The following STRBP variants were observed in gnomAD, a reference collection of about 807,000 sequenced individuals.
The protein encoded by STRBP is spermatid perinuclear RNA-binding protein.
Under a neutral mutation model 80.1 loss-of-function variants are expected in STRBP, and 13 were observed. That is an observed-to-expected ratio of 0.16 (90% CI 0.11 to 0.26). The LOEUF (loss-of-function observed/expected upper bound fraction) is 0.26. Ranked by LOEUF, STRBP falls within the 10% of genes least tolerant of loss-of-function variation. The pLI is 1.00. For synonymous variants in STRBP, 284 were observed against 291.2 expected, an observed-to-expected ratio of 0.98 and a Z score of 0.25; for missense variants, 485 against 815.2, an observed-to-expected ratio of 0.59 and a Z score of 4.93.
rs2035808095 is a variant in STRBP, at chr9:123,123,947, AATG to A, written c.*1647_*1649del. ...TCTAGCCACTAATGCACAGGATGAGAATGATAAGTTACAGCTATTTCCAGCAAG... is the reference window on the plus strand; with the variant it reads ...TCTAGCCACTAATGCACAGGATGAGAATAAGTTACAGCTATTTCCAGCAAG... On this transcript the variant is annotated 3_prime_UTR_variant, in exon 19 of 19. Transcript: ENST00000348403. 3 of 985,292 alleles carry A rather than the reference AATG, an allele frequency of 3.0e-6. No homozygotes were observed. Among genetic ancestry groups the A allele is most frequent in the African/African-American group, 1.7e-5 (1 of 57,216 alleles). The allele number at this position is 985,292 out of a possible 1,614,324, so 61.0% of individuals were successfully genotyped here. A position where few individuals can be genotyped will look rare whatever the true frequency, so the allele number is the denominator to read the frequency against.
chr9:123,158,367 T>C lies in STRBP; in HGVS notation c.898A>G (p.Ile300Val), dbSNP rs996659066. ...DPTDALSYMTIQQKEDITHSA... is the reference protein window; with the variant it reads ...DPTDALSYMTVQQKEDITHSA... ...TGGGTAATATCTTCTTTTTGCTGGA[T>C]GGTCATATAGCTCAGAGCATCTGTT... Residue 300 changes from isoleucine (I) to valine (V), a missense_variant, in exon 10 of 19, where the codon ATC becomes GTC. Coordinates refer to ENST00000348403, the MANE Select transcript of STRBP (RefSeq NM_018387.5). The C allele has an allele frequency of 6.2e-7, 1 of 1,613,706 alleles. No homozygotes were observed. The highest frequency in any genetic ancestry group is 8.5e-7 in the Non-Finnish European group (1 of 1,179,690).
At chr9:123,259,536 G>A (rs538757401) in intron 1 of STRBP, among the ~76,000 whole-genome samples, 6 of 152,068 alleles carry the variant, frequency 3.9e-5, no homozygotes, top group Non-Finnish European at 5.9e-5. Context: ...GAGAAACCCC[G>A]TCTCTACTAA....
intron 12 of STRBP, 77 bp downstream of exon 12, chr9:123,147,701 C>G (rs960525581): frequency 6.5e-6 from 6 of 923,992 alleles, no homozygotes; most frequent in African/African-American, 1.7e-5. Flanking sequence ...AAAAAAAAAC[C>G]CTTCACTTTT....
At chr9:123,119,391 C>T (rs373578108), downstream of STRBP, among the ~76,000 whole-genome samples, 1 of 109,496 alleles carries the variant, frequency 9.1e-6, no homozygotes, top group East Asian at 3.3e-4. Context: ...CCACCCCCCG[C>T]CCCCCGCCAA....
intron 17 of STRBP, 69 bp downstream of exon 17, chr9:123,132,776 T>C: frequency 6.3e-7 from 1 of 1,587,472 alleles, no homozygotes; most frequent in East Asian, 2.2e-5. Context: ...CCTTAGAAAA[T>C]GCAGGAGATG....
chr9:123,147,484 T>C (rs968324697), intron 12 of STRBP, among the ~76,000 whole-genome samples: 1 of 151,956 alleles, frequency 6.6e-6, no homozygotes, highest in African/African-American at 2.4e-5. Flanking sequence ...AAGACTAGCC[T>C]GGGCAACTTG....
intron 3 of STRBP, chr9:123,113,016 GCT>G (rs1443824019): frequency 6.0e-6 from 1 of 167,114 alleles, no homozygotes; most frequent in Admixed American, 6.5e-5. Context: ...ATTCTGTAAA[GCT>G]CTGTCATGTC....
At chr9:123,113,234 T>A (rs912681860) in intron 3 of STRBP, 1 of 167,316 alleles carries the variant, frequency 6.0e-6, no homozygotes, top group Non-Finnish European at 1.5e-5. Context: ...ATGACCCTCC[T>A]GAGCACAGCT....
At chr9:123,242,837 T>C (rs2040722903) in intron 1 of STRBP, among the ~76,000 whole-genome samples, 1 of 152,210 alleles carries the variant, frequency 6.6e-6, no homozygotes, top group African/African-American at 2.4e-5. Context: ...GAACTACTTC[T>C]TTCTAGTCTC....
At chr9:123,214,740 GTACCTACCTATACTA>G (rs1486243740) in intron 2 of STRBP, among the ~76,000 whole-genome samples, 1 of 151,908 alleles carries the variant, frequency 6.6e-6, no homozygotes, top group Non-Finnish European at 1.5e-5. Context: ...TCAGACAACT[GTACCTACCTATACTA>G]TATTCATACA....
intron 13 of STRBP, 146 bp downstream of exon 13, chr9:123,146,709 C>T (rs1220804328): frequency 2.0e-5 from 14 of 714,274 alleles, no homozygotes; most frequent in Non-Finnish European, 2.6e-5. Flanking sequence ...ACAAAAACAA[C>T]TTTGTTATCC....
chr9:123,132,589 C>T (rs1410088927), intron 17 of STRBP, among the ~76,000 whole-genome samples: 2 of 152,142 alleles, frequency 1.3e-5, no homozygotes, highest in Admixed American at 6.5e-5. Context: ...CCTTTAATTC[C>T]TTGTCAAAAT....
intron 1 of STRBP, among the ~76,000 whole-genome samples, chr9:123,241,736 A>G (rs910468860): frequency 6.6e-6 from 1 of 152,138 alleles, no homozygotes; most frequent in Admixed American, 6.5e-5. Context: ...TTCCTAGAAT[A>G]ATCACCTTTC....
intron 1 of STRBP, among the ~76,000 whole-genome samples, chr9:123,256,018 CTTTTTTTT>C (rs11338372): frequency 4.6e-4 from 33 of 71,484 alleles, no homozygotes; most frequent in African/African-American, 1.8e-3. Context: ...TCCTTTCTTT[CTTTTTTTT>C]TTTTTTTTTT....
chr9:123,222,008 G>A (rs2040083089), intron 2 of STRBP, among the ~76,000 whole-genome samples: 1 of 152,022 alleles, frequency 6.6e-6, no homozygotes, highest in Non-Finnish European at 1.5e-5. Flanking sequence ...ATTATTATGT[G>A]GGGTATACAA....
chr9:123,231,928 A>T (rs559467967), intron 2 of STRBP, among the ~76,000 whole-genome samples: 1 of 152,304 alleles, frequency 6.6e-6, no homozygotes, highest in South Asian at 2.1e-4. Flanking sequence ...TTACCTAAAC[A>T]CACTATGCCA....
chr9:123,242,941 C>G (rs1384748445), intron 1 of STRBP, among the ~76,000 whole-genome samples: 1 of 151,732 alleles, frequency 6.6e-6, no homozygotes, highest in African/African-American at 2.4e-5. Context: ...AAATTTTTAC[C>G]AAGGATTTTT....
intron 1 of STRBP, among the ~76,000 whole-genome samples, chr9:123,237,413 G>A (rs2132596303): frequency 6.6e-6 from 1 of 152,138 alleles, no homozygotes; most frequent in South Asian, 2.1e-4. Flanking sequence ...TTACCTCTTA[G>A]TGTCAGCAAA....
chr9:123,214,764 C>T (rs962548559), intron 2 of STRBP, among the ~76,000 whole-genome samples: 1 of 152,148 alleles, frequency 6.6e-6, no homozygotes, highest in Non-Finnish European at 1.5e-5. Flanking sequence ...TATATTCATA[C>T]AGATATGAAT....
Sources: allele counts gnomAD v4.1 joint callset (sites outside exome capture counted in the v4.1 genomes callset), GRCh38; gene constraint gnomAD v4.1.1; transcripts MANE v1.5; gene names NCBI Gene and HGNC (gene_info 2026-07-23, HGNC 2026-07-21).